The following CD86 variants were observed in gnomAD, a reference collection of about 807,000 sequenced individuals.
CD86 encodes the protein CD86 molecule, also known as T-lymphocyte activation antigen CD86.
A neutral mutation model predicts 32.1 loss-of-function variants in CD86; 11 were observed. The observed-to-expected ratio is 0.34, with a 90% CI of 0.22 to 0.57. CD86 has a LOEUF of 0.57. CD86 is among the 20% of genes least tolerant of loss of function. The pLI is 0.86. For synonymous variants in CD86, 137 were observed against 135.3 expected (o/e 1.01, Z -0.09); for missense variants, 359 against 398.4 (o/e 0.90, Z 0.84).
chr3:122,113,740 G>C (rs1419191889), intron 5 of CD86, among the ~76,000 whole-genome samples: 1 of 152,110 alleles, frequency 6.6e-6, no homozygotes, highest in Non-Finnish European at 1.5e-5. Context: ...GATTTATAAA[G>C]CATCTGGGAA....
At chr3:122,093,070 T>A (rs888330618) in intron 2 of CD86, among the ~76,000 whole-genome samples, 11 of 152,168 alleles carry the variant, frequency 7.2e-5, no homozygotes, top group African/African-American at 2.7e-4. Flanking sequence ...GTGGGAGGTA[T>A]GTGTGTGTCA....
intron 2 of CD86, among the ~76,000 whole-genome samples, chr3:122,095,324 C>T (rs966721003): frequency 6.6e-6 from 1 of 151,920 alleles, no homozygotes; most frequent in Non-Finnish European, 1.5e-5. Context: ...CCTACCACCA[C>T]AAAATACAAA....
chr3:122,062,676 A>G (rs2072356318), intron 1 of CD86, among the ~76,000 whole-genome samples: 1 of 152,182 alleles, frequency 6.6e-6, no homozygotes, highest in Admixed American at 6.5e-5. Flanking sequence ...AGTAGTTAAT[A>G]AATCATCTTC....
At chr3:122,063,557 A>G (rs931598222) in intron 1 of CD86, among the ~76,000 whole-genome samples, 7 of 152,028 alleles carry the variant, frequency 4.6e-5, no homozygotes, top group African/African-American at 1.7e-4. Context: ...TTATTTTGGT[A>G]AATGGTTCCT....
chr3:122,091,712 C>A, intron 2 of CD86, 62 bp downstream of exon 2: 2 of 1,327,454 alleles, frequency 1.5e-6, no homozygotes, highest in Non-Finnish European at 2.2e-6. Flanking sequence ...AGTCTGACCA[C>A]AGCAAGCCCA....
At position 122,109,409 on chromosome 3, in the gene CD86, G is replaced by A. The variant is rs1233841547; in HGVS notation, c.847+1G>A. ...CGGCCTCGCAACTCTTATAAATGTG[G>A]TGAGTGAGTCCTTGTCCTCCCCACA... On this transcript the variant is annotated splice_donor_variant, in intron 5 of 6. Transcript: ENST00000330540. LOFTEE classifies it high-confidence loss of function. The A allele has an allele frequency of 6.2e-7, 1 of 1,614,004 alleles. No individual in the cohort carries two copies.
chr3:122,083,959 A>G (rs1005706230), intron 1 of CD86, among the ~76,000 whole-genome samples: 1 of 152,190 alleles, frequency 6.6e-6, no homozygotes, highest in Non-Finnish European at 1.5e-5. Flanking sequence ...TTTTCAAATT[A>G]TATCTGTGGC....
intron 1 of CD86, among the ~76,000 whole-genome samples, chr3:122,073,028 A>T (rs1473541466): frequency 6.6e-6 from 1 of 151,770 alleles, no homozygotes; most frequent in African/African-American, 2.4e-5. Flanking sequence ...TTTGTCAAAG[A>T]TCAGATAGTT....
chr3:122,069,519 C>G (rs2072460064), intron 1 of CD86, among the ~76,000 whole-genome samples: 1 of 152,174 alleles, frequency 6.6e-6, no homozygotes, highest in East Asian at 1.9e-4. Context: ...AGATACACGA[C>G]AGGCAGGTGA....
intron 5 of CD86, among the ~76,000 whole-genome samples, chr3:122,115,818 A>C (rs2073241764): frequency 6.6e-6 from 1 of 151,508 alleles, no homozygotes; most frequent in African/African-American, 2.4e-5. Context: ...TATATATAGT[A>C]ATTAATACAG....
At chr3:122,099,981 T>C (rs189270249) in intron 2 of CD86, among the ~76,000 whole-genome samples, 6 of 152,196 alleles carry the variant, frequency 3.9e-5, no homozygotes, top group Admixed American at 6.5e-5. Flanking sequence ...CCTGGATGAA[T>C]AGGAGGTTGT....
chr3:122,078,340 G>A (rs2072583325), intron 1 of CD86, among the ~76,000 whole-genome samples: 2 of 152,204 alleles, frequency 1.3e-5, no homozygotes, highest in East Asian at 1.9e-4. Context: ...ATTGGCAGCT[G>A]TTCTTGGCTT....
At chr3:122,070,203 T>C (rs1276302879) in intron 1 of CD86, among the ~76,000 whole-genome samples, 1 of 152,328 alleles carries the variant, frequency 6.6e-6, no homozygotes, top group East Asian at 1.9e-4. Flanking sequence ...TGAAGACATC[T>C]AGACAAAAAT....
chr3:122,106,872 C>CACACACACT (rs2073101042), intron 4 of CD86, among the ~76,000 whole-genome samples: 1 of 31,058 alleles, frequency 3.2e-5, no homozygotes. Context: ...ACACACACAC[C>CACACACACT]ATGCATACAT....
intron 2 of CD86, 47 bp from the exon 3 acceptor site, chr3:122,103,465 C>T: frequency 7.6e-7 from 1 of 1,320,282 alleles, no homozygotes; most frequent in Admixed American, 2.1e-5. Context: ...GGTTTTTTCC[C>T]CTTTCCTCTT....
intron 1 of CD86, among the ~76,000 whole-genome samples, chr3:122,056,367 G>A (rs780613748): frequency 9.9e-5 from 15 of 152,144 alleles, no homozygotes; most frequent in African/African-American, 2.9e-4. Flanking sequence ...ACAGAGTCTC[G>A]CTCTGTCGCC....
intron 5 of CD86, among the ~76,000 whole-genome samples, chr3:122,113,535 A>G (rs149949029): frequency 3.0e-4 from 45 of 152,266 alleles, no homozygotes; most frequent in Non-Finnish European, 5.7e-4. Flanking sequence ...TGATTTTTTA[A>G]TAATGGCCAT....
At chr3:122,074,754 T>C (rs897225372) in intron 1 of CD86, among the ~76,000 whole-genome samples, 4 of 152,188 alleles carry the variant, frequency 2.6e-5, no homozygotes, top group Non-Finnish European at 4.4e-5. Context: ...AGCTACTGTG[T>C]GTAGCCTGTC....
chr3:122,097,316 G>A (rs2072923324), intron 2 of CD86, among the ~76,000 whole-genome samples: 1 of 152,234 alleles, frequency 6.6e-6, no homozygotes, highest in African/African-American at 2.4e-5. Context: ...AGCCCCTGCT[G>A]TCATGGAGCT....
Sources: gnomAD v4.1 joint callset for allele counts (sites outside exome capture counted in the v4.1 genomes callset) on GRCh38, gnomAD v4.1.1 for gene constraint, MANE v1.5 for transcripts, NCBI Gene and HGNC (gene_info 2026-07-23, HGNC 2026-07-21) for gene names.